FAT3: variants seen among roughly 807,000 people sequenced by gnomAD.
FAT3 encodes protocadherin Fat 3.
A neutral mutation model predicts 310.2 loss-of-function variants in FAT3; 95 were observed. The ratio of observed to expected loss-of-function variants is 0.31; its 90% confidence interval spans 0.26 to 0.36. The LOEUF (loss-of-function observed/expected upper bound fraction) is 0.36, where lower values mean the gene tolerates loss of function less well. FAT3 is among the 10% of genes least tolerant of loss of function. FAT3 has a pLI of 1.00. For synonymous variants in FAT3, 2,314 were observed against 2,192.9 expected (o/e 1.06, Z -1.54); for missense variants, 5,408 against 5,715.6 (o/e 0.95, Z 1.74).
At chr11:92,556,850 A>G (rs940364829) in intron 3 of FAT3, among the ~76,000 whole-genome samples, 7 of 152,118 alleles carry the variant, frequency 4.6e-5, no homozygotes, top group Admixed American at 6.5e-5. Context: ...TACAACACTC[A>G]TAACACCCTA....
chr11:92,880,844 A>G lies in FAT3; in HGVS notation c.12241A>G (p.Thr4081Ala). ...AGGATCCTGCGATCCAATAGGAAAC[A>G]CTTTCATCTGCAATTGTAAAGCTGG... ...NGGSCDPIGN[T>A]FICNCKAGLT... Residue 4081 changes from threonine (T) to alanine (A), a missense_variant, in exon 23 of 28, where the codon ACT (threonine) becomes GCT (alanine). Physicochemically the swap from Thr to Ala is moderately conservative, Grantham distance 58. Around this residue, in one of 5 missense-constraint regions of FAT3, gnomAD observed 649 missense variants for 666.2 expected, o/e 0.97. Coordinates refer to ENST00000525166, the MANE Select transcript of FAT3 (RefSeq NM_001367949.2). 11 of 1,614,000 alleles carry G rather than the reference A, an allele frequency of 6.8e-6. No individual in the cohort carries two copies. The highest frequency in any genetic ancestry group is 9.3e-6 in the Non-Finnish European group (11 of 1,179,884).
At chr11:92,263,115 C>A (rs1334708954) in intron 1 of FAT3, among the ~76,000 whole-genome samples, 1 of 151,848 alleles carries the variant, frequency 6.6e-6, no homozygotes, top group African/African-American at 2.4e-5. Context: ...GCTTTGTTTC[C>A]AGTATTCACA....
chr11:92,484,415 T>C (rs1299442884), intron 2 of FAT3, among the ~76,000 whole-genome samples: 1 of 152,154 alleles, frequency 6.6e-6, no homozygotes, highest in African/African-American at 2.4e-5. Context: ...AGATACTGCT[T>C]AAAGAATGTC....
chr11:92,309,666 C>G (rs1427242220), intron 1 of FAT3, among the ~76,000 whole-genome samples: 1 of 152,058 alleles, frequency 6.6e-6, no homozygotes, highest in African/African-American at 2.4e-5. Context: ...ACCCTGGTAG[C>G]TGGTATCTCA....
At chr11:92,561,929 C>T (rs562859807) in intron 3 of FAT3, among the ~76,000 whole-genome samples, 4 of 152,062 alleles carry the variant, frequency 2.6e-5, no homozygotes, top group African/African-American at 9.7e-5. Flanking sequence ...CCTGGCCTAC[C>T]ATTTGGATAA....
At chr11:92,241,676 G>A (rs1178732911) in intron 1 of FAT3, among the ~76,000 whole-genome samples, 1 of 151,908 alleles carries the variant, frequency 6.6e-6, no homozygotes, top group Non-Finnish European at 1.5e-5. Context: ...TACCTTTAAC[G>A]AATACAGAAT....
chr11:92,566,299 CAAT>C (rs1955440402), intron 3 of FAT3, among the ~76,000 whole-genome samples: 1 of 151,988 alleles, frequency 6.6e-6, no homozygotes, highest in Non-Finnish European at 1.5e-5. Context: ...GCTTCAAAGA[CAAT>C]AAAATACCTA....
At chr11:92,787,495 A>C (rs1946925070) in intron 7 of FAT3, among the ~76,000 whole-genome samples, 1 of 151,918 alleles carries the variant, frequency 6.6e-6, no homozygotes, top group African/African-American at 2.4e-5. Flanking sequence ...AACTATTCTA[A>C]GTGACTTTAA....
chr11:92,553,814 C>CT (rs759423881), intron 3 of FAT3, among the ~76,000 whole-genome samples: 3 of 141,362 alleles, frequency 2.1e-5, no homozygotes, highest in Non-Finnish European at 3.1e-5. Flanking sequence ...CTTTCTTTCT[C>CT]TTTTTTTTGA....
At chr11:92,531,691 A>G (rs552366628) in intron 3 of FAT3, among the ~76,000 whole-genome samples, 1 of 152,124 alleles carries the variant, frequency 6.6e-6, no homozygotes, top group East Asian at 1.9e-4. Context: ...TCTGGGGCTC[A>G]GCTGCATTGT....
chr11:92,792,970 A>C lies in FAT3; in HGVS notation c.4815A>C (p.Ile1605=). 1.2e-6 allele frequency: 2 copies of C among 1,613,442 alleles called. No individual in the cohort carries two copies. Among genetic ancestry groups the C allele is most frequent in the Non-Finnish European group, 1.7e-6 (2 of 1,179,608 alleles). ...AAAATGCAGAACTCATATATACCAT[A>C]GAAGCAGGTGAGAGCTGTTGCACTG... The part of the protein sequence containing the change: ...KGENAELIYT[I]EAGNTGNMFK... Residue 1605 remains isoleucine (I), a synonymous_variant, in exon 9 of 28, where the codon ATA becomes ATC. Transcript: ENST00000525166.
At chr11:92,409,428 G>A (rs149237818) in intron 2 of FAT3, among the ~76,000 whole-genome samples, 437 of 152,178 alleles carry the variant, frequency 2.9e-3, no homozygotes, top group African/African-American at 0.01. Flanking sequence ...CGTTAAATAC[G>A]CTGCTTGTGC....
At chr11:92,270,573 C>T (rs977973190) in intron 1 of FAT3, among the ~76,000 whole-genome samples, 1 of 151,898 alleles carries the variant, frequency 6.6e-6, no homozygotes, top group African/African-American at 2.4e-5. Context: ...GTAATCCCAG[C>T]TACTCAGGAG....
chr11:92,698,575 T>C (rs1944007930), intron 4 of FAT3, among the ~76,000 whole-genome samples: 1 of 152,152 alleles, frequency 6.6e-6, no homozygotes, highest in African/African-American at 2.4e-5. Flanking sequence ...TCTTAAAGCA[T>C]TGGATATAAT....
At chr11:92,403,822 G>A (rs752486889) in intron 2 of FAT3, among the ~76,000 whole-genome samples, 3 of 152,142 alleles carry the variant, frequency 2.0e-5, no homozygotes, top group Non-Finnish European at 4.4e-5. Context: ...GGATCACGAG[G>A]TCAGGAGATG....
chr11:92,593,697 G>C (rs1215745398), intron 3 of FAT3, among the ~76,000 whole-genome samples: 1 of 152,056 alleles, frequency 6.6e-6, no homozygotes, highest in Non-Finnish European at 1.5e-5. Flanking sequence ...GCAAAATATA[G>C]TACTCTGTTT....
intron 1 of FAT3, among the ~76,000 whole-genome samples, chr11:92,255,924 C>A (rs180754458): frequency 1.2e-3 from 190 of 152,224 alleles, no homozygotes; most frequent in South Asian, 0.012. Context: ...AAACAGCATT[C>A]ATTGCCCAAA....
At chr11:92,616,985 G>A (rs1481491106) in intron 3 of FAT3, among the ~76,000 whole-genome samples, 1 of 152,112 alleles carries the variant, frequency 6.6e-6, no homozygotes, top group Non-Finnish European at 1.5e-5. Flanking sequence ...GAGTATCTTT[G>A]TGGCATTCTC....
intron 3 of FAT3, among the ~76,000 whole-genome samples, chr11:92,564,050 T>A (rs1955339439): frequency 6.6e-6 from 1 of 152,000 alleles, no homozygotes; most frequent in South Asian, 2.1e-4. Context: ...TAAATTTAAA[T>A]GTAAATGGAC....
Sources: gnomAD v4.1 joint callset for allele counts (sites outside exome capture counted in the v4.1 genomes callset) on GRCh38, gnomAD v4.1.1 for gene constraint, gnomAD v4.1.1 regional missense constraint, MANE v1.5 for transcripts, NCBI Gene and HGNC (gene_info 2026-07-23, HGNC 2026-07-21) for gene names.